TMEM268: variants seen among roughly 807,000 people sequenced by gnomAD.
TMEM268 encodes the protein transmembrane protein C9orf91.
A neutral mutation model predicts 39.1 loss-of-function variants in TMEM268; 24 were observed. The observed-to-expected ratio is 0.61, with a 90% CI of 0.44 to 0.86. The LOEUF is 0.86. Among genes scored for constraint, TMEM268 ranks in the 40% least tolerant of loss-of-function variants. The pLI is 0.00. For synonymous variants in TMEM268, 176 were observed against 173.5 expected (o/e 1.01, Z -0.12); for missense variants, 409 against 428.6 (o/e 0.95, Z 0.40).
intron 8 of TMEM268, among the ~76,000 whole-genome samples, chr9:114,639,825 T>G (rs183568278): frequency 6.7e-6 from 1 of 149,152 alleles, no homozygotes; most frequent in African/African-American, 2.4e-5. Flanking sequence ...TTCAAGTTGA[T>G]CCTTCCGCCT....
chr9:114,624,595 T>C, intron 3 of TMEM268, 136 bp downstream of exon 3: 1 of 1,355,550 alleles, frequency 7.4e-7, no homozygotes, highest in South Asian at 1.5e-5. Context: ...GGAAGGTATA[T>C]TAGAAGTGCC....
In TMEM268 at chr9:114,624,339, T is replaced by C; in HGVS notation, c.107-11T>C. The C allele has an allele frequency of 6.3e-7, 1 of 1,589,772 alleles. No homozygotes were observed. Among genetic ancestry groups the C allele is most frequent in the Non-Finnish European group, 8.6e-7 (1 of 1,166,512 alleles). ...TCACTCAGCCAGATGAAGCTTCTGG[T>C]CTGCTTCCAGAGCTCCACAATGGCC... On this transcript the variant is annotated splice_polypyrimidine_tract_variant and intron_variant, in intron 2 of 8. Coordinates refer to ENST00000288502, the MANE Select transcript of TMEM268 (RefSeq NM_153045.4).
At chr9:114,610,164 C>T (rs949562027), upstream of TMEM268, among the ~76,000 whole-genome samples, 1 of 152,016 alleles carries the variant, frequency 6.6e-6, no homozygotes, top group Non-Finnish European at 1.5e-5. Context: ...CTCAGTCTCC[C>T]GAGTAGCTGG....
Position 114,636,207 on chromosome 9 carries a change from G to C in TMEM268, c.586-783G>C, listed in dbSNP as rs1846627055. ...ATTTCAGCCTGGTTAAATTTAGCTT[G>C]GCCGGCCCCTGGGGTGGAAGGGGAG... On this transcript the variant is annotated intron_variant, in intron 6 of 8. Transcript: ENST00000288502. Among the ~76,000 whole-genome samples, 4 of 152,160 alleles carry C rather than the reference G, an allele frequency of 2.6e-5. 1 individual carries two copies. The highest frequency in any genetic ancestry group is 2.6e-4 in the Admixed American group (4 of 15,272).
intron 4 of TMEM268, among the ~76,000 whole-genome samples, chr9:114,627,476 A>G (rs1445637944): frequency 6.6e-6 from 1 of 152,194 alleles, no homozygotes; most frequent in African/African-American, 2.4e-5. Context: ...ACATACATAA[A>G]TGACAGAGCC....
chr9:114,627,083 A>G lies in TMEM268; in HGVS notation c.324+77A>G, dbSNP rs1846194307. On this transcript the variant is annotated intron_variant, in intron 4 of 8. Transcript: ENST00000288502. ...CACCAAATTCAGCACCGTGTCTTGG[A>G]GCCTGTTGGTGTGGGTCAGGGGCTT... The G allele has an allele frequency of 8.1e-6, 9 of 1,104,770 alleles. No individual in the cohort carries two copies. In the Admixed American group the frequency reaches 1.6e-4, roughly 19 times the overall value. 68.4% of individuals were successfully genotyped at this position (1,104,770 alleles called of 1,614,324 possible).
At chr9:114,639,515 T>G (rs552897790) in intron 8 of TMEM268, among the ~76,000 whole-genome samples, 18 of 152,184 alleles carry the variant, frequency 1.2e-4, no homozygotes, top group African/African-American at 4.3e-4. Context: ...TCTGAAAATG[T>G]GCAGCTTGTG....
intron 2 of TMEM268, 163 bp from the exon 3 acceptor site, chr9:114,624,187 A>T: frequency 7.1e-7 from 1 of 1,405,756 alleles, no homozygotes; most frequent in Non-Finnish European, 9.3e-7. Context: ...TCCCAGTCAA[A>T]TCCAGTCCTT....
At chr9:114,629,473 C>T (rs961599676) in intron 5 of TMEM268, among the ~76,000 whole-genome samples, 3 of 152,212 alleles carry the variant, frequency 2.0e-5, no homozygotes, top group African/African-American at 7.2e-5. Flanking sequence ...TTTTAAGGAC[C>T]CTTGTGATTA....
intron 8 of TMEM268, among the ~76,000 whole-genome samples, chr9:114,640,064 A>C (rs1846828698): frequency 6.6e-6 from 1 of 151,452 alleles, no homozygotes; most frequent in Non-Finnish European, 1.5e-5. Flanking sequence ...ATTAAAAAAA[A>C]AAAAGAGAGA....
Position 114,627,015 on chromosome 9 carries a change from G to C in TMEM268, c.324+9G>C. The C allele has an allele frequency of 6.3e-7, 1 of 1,585,732 alleles. No individual in the cohort carries two copies. The highest frequency in any genetic ancestry group is 1.1e-5 in the South Asian group (1 of 90,456). On this transcript the variant is annotated intron_variant, in intron 4 of 8. Coordinates refer to ENST00000288502, the MANE Select transcript of TMEM268 (RefSeq NM_153045.4). ...GGCTGGCCTTTGCTGTGGTAAGGGGGAGGTGGCCCGCACACTGACCCTGCC... is the reference window on the plus strand; with the variant it reads ...GGCTGGCCTTTGCTGTGGTAAGGGGCAGGTGGCCCGCACACTGACCCTGCC...
intron 2 of TMEM268, among the ~76,000 whole-genome samples, chr9:114,621,795 C>T (rs113059051): frequency 0.016 from 2,422 of 152,046 alleles, 73 homozygotes; most frequent in African/African-American, 0.053. Context: ...CTGAAGGAGG[C>T]GGGTGTGGTG....
intron 1 of TMEM268, among the ~76,000 whole-genome samples, chr9:114,613,161 A>G (rs1169699523): frequency 6.6e-6 from 1 of 152,166 alleles, no homozygotes; most frequent in Non-Finnish European, 1.5e-5. Context: ...TTTAGCTATT[A>G]CAGGAAACAG....
rs183991494 is a variant in TMEM268, at chr9:114,619,972, G to A, written c.106+2671G>A. Among the ~76,000 whole-genome samples, 984 of 152,174 alleles carry A rather than the reference G, an allele frequency of 6.5e-3. 7 individuals carry two copies. Among genetic ancestry groups the A allele is most frequent in the African/African-American group, 0.023 (949 of 41,518 alleles). On this transcript the variant is annotated intron_variant, in intron 2 of 8. Coordinates refer to ENST00000288502, the MANE Select transcript of TMEM268 (RefSeq NM_153045.4). The stretch of plus-strand genomic sequence containing the variant: ...GCCTGTAATCCCAGCACTTTGGGAG[G>A]CCTAGGTGGGTGGATCGGATCACCT...
Position 114,638,683 on chromosome 9 carries a change from T to A in TMEM268, c.806T>A (p.Met269Lys), listed in dbSNP as rs1264606331. The A allele has an allele frequency of 6.2e-7, 1 of 1,604,314 alleles. No homozygotes were observed. Among genetic ancestry groups the A allele is most frequent in the Non-Finnish European group, 8.5e-7 (1 of 1,175,750 alleles). Reference sequence around the variant, plus strand: ...TCTTGTCCTAACGAGAGGCCACTCATGCAGACTGAGCTTCATCAGCTTGTT... The same window carrying A: ...TCTTGTCCTAACGAGAGGCCACTCAAGCAGACTGAGCTTCATCAGCTTGTT... ...GNSCPNERPLMQTELHQLVPE... is the reference protein window; with the variant it reads ...GNSCPNERPLKQTELHQLVPE... The change falls in exon 8 of 9, where the codon ATG becomes AAG. Residue 269 changes from methionine (M) to lysine (K), a missense_variant. Physicochemically the swap from Met to Lys is moderately conservative, Grantham distance 95. Transcript: ENST00000288502.
chr9:114,634,887 G>A (rs572806955), intron 6 of TMEM268, among the ~76,000 whole-genome samples: 1 of 152,300 alleles, frequency 6.6e-6, no homozygotes, highest in Non-Finnish European at 1.5e-5. Context: ...TGAAGCAGAT[G>A]ACATCACAAG....
chr9:114,626,254 C>T (rs1846157016), intron 3 of TMEM268, among the ~76,000 whole-genome samples: 1 of 152,206 alleles, frequency 6.6e-6, no homozygotes. Context: ...TGAGACACTG[C>T]ACCTGGCCTA....
At chr9:114,604,567 C>T in the TMEM268 span, among the ~76,000 whole-genome samples, 2 of 111,114 alleles carry the variant, frequency 1.8e-5, no homozygotes, top group Non-Finnish European at 3.3e-5. Flanking sequence ...GCCTGAGTGA[C>T]AGAGCAAGAC....
At chr9:114,637,250 G>A (rs1371554448) in intron 7 of TMEM268, among the ~76,000 whole-genome samples, 180 bp downstream of exon 7, 4 of 150,540 alleles carry the variant, frequency 2.7e-5, no homozygotes, top group East Asian at 1.9e-4. Context: ...TTAATGCCTC[G>A]CTTCTTCTAC....
Sources: allele counts gnomAD v4.1 joint callset (sites outside exome capture counted in the v4.1 genomes callset), GRCh38; gene constraint gnomAD v4.1.1; transcripts MANE v1.5; gene names NCBI Gene and HGNC (gene_info 2026-07-23, HGNC 2026-07-21).